Variants in GRIK4 observed in about 807,000 individuals in gnomAD.
The protein encoded by GRIK4 is glutamate ionotropic receptor kainate type subunit 4, also known as glutamate receptor ionotropic, kainate 4.
In GRIK4, 40 loss-of-function variants were observed where a neutral mutation model predicts 104.9. The observed-to-expected ratio is 0.38, with a 90% CI of 0.30 to 0.50. The LOEUF (loss-of-function observed/expected upper bound fraction) is 0.50, where lower values mean the gene tolerates loss of function less well. GRIK4 is among the 20% of genes least tolerant of loss of function. The probability of loss-of-function intolerance (pLI) is 0.93; values close to 1 mark genes in which losing one functional copy is unlikely to be tolerated. For synonymous variants in GRIK4, 485 were observed against 524.9 expected (o/e 0.92, Z 1.04); for missense variants, 1,047 against 1,308.1 (o/e 0.80, Z 3.08).
chr11:120,810,877 A>G (rs1419145520), intron 4 of GRIK4, among the ~76,000 whole-genome samples: 2 of 152,226 alleles, frequency 1.3e-5, no homozygotes, highest in South Asian at 2.1e-4. Flanking sequence ...TTTCTGTGGG[A>G]AACAAAGTCA....
intron 2 of GRIK4, among the ~76,000 whole-genome samples, chr11:120,654,085 C>A (rs1164360592): frequency 6.6e-6 from 1 of 152,206 alleles, no homozygotes; most frequent in Non-Finnish European, 1.5e-5. Context: ...GTCAGAGACC[C>A]TCTGAGGTTG....
intron 3 of GRIK4, among the ~76,000 whole-genome samples, chr11:120,754,066 G>A (rs2852244): frequency 6.6e-6 from 1 of 151,918 alleles, no homozygotes; most frequent in African/African-American, 2.4e-5. Flanking sequence ...GAGTCTTGCT[G>A]TGTCACTCAG....
rs35828972 is a variant in GRIK4 at position 120,982,005 on chromosome 11, A to G, written c.2396-101A>G. 8,360 of 810,302 alleles carry G rather than the reference A, an allele frequency of 0.01. 465 individuals carry two copies. The African/African-American group carries it at 0.12, about 12-fold the overall frequency. 50.2% of individuals were successfully genotyped at this position (810,302 alleles called of 1,614,324 possible). A position where few individuals can be genotyped will look rare whatever the true frequency, so the allele number is the denominator to read the frequency against. ...ATGGGTGTCTACTTGAGCATCTACC[A>G]TACTCAAGTTCTTGTTTGAATGATT... On this transcript the variant is annotated intron_variant, in intron 19 of 20. Transcript: ENST00000527524.
In GRIK4 at chr11:120,665,035, C is replaced by T. The variant is rs928685645; in HGVS notation, c.82+4635C>T. Among the ~76,000 whole-genome samples, 68 of 152,014 alleles carry T rather than the reference C, an allele frequency of 4.5e-4. 2 individuals are homozygous for T. The highest frequency in any genetic ancestry group is 6.2e-4 in the Non-Finnish European group (42 of 67,998). ...CTGTAATTTTTTACTTAGTTGGTTT[C>T]CCCCCAATGAGCTCCAATTCTGTAC... On this transcript the variant is annotated intron_variant, in intron 3 of 20. Transcript: ENST00000527524.
At chr11:120,600,132 G>C (rs1284623951) in intron 1 of GRIK4, among the ~76,000 whole-genome samples, 1 of 152,128 alleles carries the variant, frequency 6.6e-6, no homozygotes, top group East Asian at 1.9e-4. Flanking sequence ...AGGTGTGTTT[G>C]GGGAAAGGGA....
Position 120,861,981 on chromosome 11 carries a change from A to G in GRIK4, c.767A>G (p.Asp256Gly). Residue 256 changes from aspartate (D) to glycine (G), a missense_variant, in exon 9 of 21, where the codon GAC (aspartate) becomes GGC (glycine). Physicochemically the swap from Asp to Gly is moderately conservative, Grantham distance 94. Coordinates refer to ENST00000527524, the MANE Select transcript of GRIK4 (RefSeq NM_014619.5). ...TNLEFSLQRM[D>G]SLVDDRVNIL... ...CAGGAGTTCTCACTCCAGAGAATGGACAGCCTTGTGGATGATCGTGTCAAC... is the reference window on the plus strand; with the variant it reads ...CAGGAGTTCTCACTCCAGAGAATGGGCAGCCTTGTGGATGATCGTGTCAAC... The G allele has an allele frequency of 6.2e-7, 1 of 1,613,770 alleles. No homozygotes were observed. Among genetic ancestry groups the G allele is most frequent in the Non-Finnish European group, 8.5e-7 (1 of 1,179,676 alleles).
chr11:120,764,669 A>C (rs1951802227), intron 3 of GRIK4, among the ~76,000 whole-genome samples: 1 of 151,794 alleles, frequency 6.6e-6, no homozygotes, highest in African/African-American at 2.4e-5. Context: ...AAAATCCCTC[A>C]GCATTTGTTT....
At chr11:120,836,206 A>T (rs926328392) in intron 7 of GRIK4, among the ~76,000 whole-genome samples, 1 of 152,188 alleles carries the variant, frequency 6.6e-6, no homozygotes, top group Non-Finnish European at 1.5e-5. Context: ...AAGCACTGAA[A>T]TTAGGCTGCC....
At chr11:120,811,478 T>A (rs1279844393) in intron 4 of GRIK4, among the ~76,000 whole-genome samples, 1 of 152,194 alleles carries the variant, frequency 6.6e-6, no homozygotes, top group Non-Finnish European at 1.5e-5. Context: ...TGATTTTGTA[T>A]CTGTAAAATG....
In GRIK4 at chr11:120,660,349, C is replaced by T. The variant is rs758251026; in HGVS notation, c.31C>T (p.Leu11Phe). 6.2e-7 allele frequency: 1 copy of T among 1,613,364 alleles called. No homozygotes were observed. Among genetic ancestry groups the T allele is most frequent in the Admixed American group, 1.7e-5 (1 of 60,010 alleles). Residue 11 changes from leucine (L) to phenylalanine (F), a missense_variant, in exon 3 of 21, where the codon CTT (leucine) becomes TTT (phenylalanine). By Grantham distance (22) the Leu-to-Phe change is conservative. Coordinates refer to ENST00000527524, the MANE Select transcript of GRIK4 (RefSeq NM_014619.5). ...CCGCGTCTCGGCGCCTTTGGTGCTG[C>T]TTCCTGCGTGGCTCGTGATGGTCGC... is the stretch of plus-strand genomic sequence containing the variant. MPRVSAPLVLLPAWLVMVACS... is the reference protein window; with the variant it reads MPRVSAPLVLFPAWLVMVACS...
chr11:120,901,455 C>T (rs1484682174), intron 12 of GRIK4, among the ~76,000 whole-genome samples: 1 of 152,184 alleles, frequency 6.6e-6, no homozygotes, highest in East Asian at 1.9e-4. Flanking sequence ...GATGTCACGT[C>T]TCCCACGAAG....
intron 9 of GRIK4, chr11:120,862,385 C>T (rs1006016643): frequency 1.1e-5 from 4 of 357,620 alleles, no homozygotes; most frequent in African/African-American, 8.3e-5. Context: ...TGGCCAGACT[C>T]TCAATAATAC....
At position 120,573,673 on chromosome 11, in the gene GRIK4, A is replaced by G. The variant is rs115630929; in HGVS notation, c.-159+61786A>G. Among the ~76,000 whole-genome samples, 1,290 of 152,324 alleles carry G rather than the reference A, an allele frequency of 8.5e-3. 16 individuals are homozygous for G. The highest frequency in any genetic ancestry group is 0.029 in the African/African-American group (1,207 of 41,568). On this transcript the variant is annotated intron_variant, in intron 1 of 20. Coordinates refer to ENST00000527524, the MANE Select transcript of GRIK4 (RefSeq NM_014619.5). ...GACACATGGGGAAAACTAGAAACAGAGAGAGCAGTGGGGTGTGGCCTGGAC... is the reference window on the plus strand; with the variant it reads ...GACACATGGGGAAAACTAGAAACAGGGAGAGCAGTGGGGTGTGGCCTGGAC...
At chr11:120,800,187 C>T (rs935766627) in intron 3 of GRIK4, among the ~76,000 whole-genome samples, 1 of 152,020 alleles carries the variant, frequency 6.6e-6, no homozygotes, top group Non-Finnish European at 1.5e-5. Context: ...ACATTTTTTC[C>T]CACATCAACT....
intron 1 of GRIK4, among the ~76,000 whole-genome samples, chr11:120,567,348 G>A (rs1321055755): frequency 6.6e-6 from 1 of 151,584 alleles, no homozygotes; most frequent in African/African-American, 2.4e-5. Context: ...TGGTAGAAAT[G>A]GGATCTCTCT....
chr11:120,883,499 C>T (rs1703373249), intron 11 of GRIK4, among the ~76,000 whole-genome samples: 2 of 152,214 alleles, frequency 1.3e-5, no homozygotes, highest in Admixed American at 1.3e-4. Context: ...GTGAATCAGG[C>T]TCTCCTGTCC....
At chr11:120,647,985 C>T (rs1404824308) in intron 1 of GRIK4, among the ~76,000 whole-genome samples, 3 of 152,164 alleles carry the variant, frequency 2.0e-5, no homozygotes, top group Non-Finnish European at 4.4e-5. Flanking sequence ...GTGGCAGCCC[C>T]CTGTTGGAGG....
In GRIK4 at chr11:120,583,943, G is replaced by C. The variant is rs189711122; in HGVS notation, c.-158-69742G>C. Among the ~76,000 whole-genome samples, 161 of 152,280 alleles carry C rather than the reference G, an allele frequency of 1.1e-3. 1 individual carries two copies. The highest frequency in any genetic ancestry group is 1.9e-3 in the Non-Finnish European group (131 of 68,014). On this transcript the variant is annotated intron_variant, in intron 1 of 20. Coordinates refer to ENST00000527524, the MANE Select transcript of GRIK4 (RefSeq NM_014619.5). ...GGATCTTTCACCTCCCTGGTTAGCTGTATTCCTAGGTATTTTATTCTTTTT... is the reference window on the plus strand; with the variant it reads ...GGATCTTTCACCTCCCTGGTTAGCTCTATTCCTAGGTATTTTATTCTTTTT...
intron 13 of GRIK4, among the ~76,000 whole-genome samples, chr11:120,933,068 A>G (rs1943514917): frequency 6.6e-6 from 1 of 152,178 alleles, no homozygotes; most frequent in South Asian, 2.1e-4. Flanking sequence ...TTTTTCCCAG[A>G]GTTTTCCAAA....
Sources: gnomAD v4.1 joint callset for allele counts (sites outside exome capture counted in the v4.1 genomes callset) on GRCh38, gnomAD v4.1.1 for gene constraint, MANE v1.5 for transcripts, NCBI Gene and HGNC (gene_info 2026-07-23, HGNC 2026-07-21) for gene names.